Variants in ACOT1 observed in about 807,000 individuals in gnomAD.
ACOT1 encodes the protein acyl-coenzyme A thioesterase 1.
Under a neutral mutation model 15.7 loss-of-function variants are expected in ACOT1, and 8 were observed. The ratio of observed to expected loss-of-function variants is 0.51; its 90% confidence interval spans 0.30 to 0.92. The LOEUF is 0.92. ACOT1 is among the 40% of genes least tolerant of loss of function. ACOT1 has a pLI of 0.06. For missense variants in ACOT1, 151 were observed against 539.4 expected (o/e 0.28, Z 7.13); for synonymous variants, 67 against 241.2 (o/e 0.28, Z 6.69).
At chr14:73,512,721 C>A in the ACOT1 span, among the ~76,000 whole-genome samples, 1 of 152,178 alleles carries the variant, frequency 6.6e-6, no homozygotes, top group Non-Finnish European at 1.5e-5. Context: ...TTCCATTTGG[C>A]TTTCAACATC....
At chr14:73,527,548 G>A in the ACOT1 span, among the ~76,000 whole-genome samples, 7 of 80,350 alleles carry the variant, frequency 8.7e-5, no homozygotes, top group Admixed American at 8.5e-4. Context: ...CTTTCACTTC[G>A]CAAAAGAAAA....
chr14:73,512,269 A>C, the ACOT1 span: 7 of 1,083,424 alleles, frequency 6.5e-6, no homozygotes, highest in Middle Eastern at 2.9e-4. Flanking sequence ...ACATTAGCTC[A>C]GAAGAATAAA....
the ACOT1 span, chr14:73,502,775 C>T: frequency 1.4e-6 from 1 of 736,446 alleles, no homozygotes; most frequent in East Asian, 2.5e-5. Context: ...TCTCGATCTC[C>T]TGACCTCGTG....
At chr14:73,522,278 T>G in the ACOT1 span, 9 of 1,613,608 alleles carry the variant, frequency 5.6e-6, no homozygotes, top group Non-Finnish European at 7.6e-6. Context: ...ATACCTGTAG[T>G]AAACGGGAAG....
the ACOT1 span, among the ~76,000 whole-genome samples, chr14:73,523,835 C>G: frequency 5.3e-5 from 8 of 152,186 alleles, no homozygotes. Flanking sequence ...TAAATTCCTC[C>G]TGGTCTGTAC....
At chr14:73,491,846 C>G in the ACOT1 span, 1 of 1,609,482 alleles carries the variant, frequency 6.2e-7, no homozygotes, top group Middle Eastern at 1.7e-4. Flanking sequence ...GACCCTGAAC[C>G]CACCCGGCCG....
chr14:73,538,544 C>T lies in ACOT1; in HGVS notation c.457+666C>T, dbSNP rs1257609856. Among the ~76,000 whole-genome samples, 4 of 95,370 alleles carry T rather than the reference C, an allele frequency of 4.2e-5. 2 individuals are homozygous for T. Among genetic ancestry groups the T allele is most frequent in the Non-Finnish European group, 8.4e-5 (4 of 47,844 alleles). The allele number at this position is 95,370 out of a possible 152,430, so 62.6% of individuals were successfully genotyped here. A position where few individuals can be genotyped will look rare whatever the true frequency, so the allele number is the denominator to read the frequency against. ...AGAAGAATGGCATGAACCCAGGAGG[C>T]GGAGTTTGCAGTGAGCCAAGATCGT... On this transcript the variant is annotated intron_variant, in intron 1 of 2. Transcript: ENST00000311148.
rs1400623175 is a variant in ACOT1 at position 73,538,696 on chromosome 14, G to C, written c.457+818G>C. Among the ~76,000 whole-genome samples, 6 of 111,202 alleles carry C rather than the reference G, an allele frequency of 5.4e-5. 1 individual carries two copies. The highest frequency in any genetic ancestry group is 1.8e-4 in the African/African-American group (6 of 34,116). The allele number at this position is 111,202 out of a possible 152,430, so 73.0% of individuals were successfully genotyped here. A position where few individuals can be genotyped will look rare whatever the true frequency, so the allele number is the denominator to read the frequency against. On this transcript the variant is annotated intron_variant, in intron 1 of 2. Coordinates refer to ENST00000311148, the MANE Select transcript of ACOT1 (RefSeq NM_001037161.2). ...CAAACAAAACAAAACAAAAAAAACA[G>C]GCCGGACGCGGTGGCTAACACCTGT...
At chr14:73,528,563 G>A in the ACOT1 span, among the ~76,000 whole-genome samples, 3 of 152,044 alleles carry the variant, frequency 2.0e-5, no homozygotes, top group Non-Finnish European at 4.4e-5. Context: ...TGTCTGCCTT[G>A]GAGTCACGGG....
the ACOT1 span, among the ~76,000 whole-genome samples, chr14:73,512,543 T>C: frequency 6.6e-6 from 1 of 152,290 alleles, no homozygotes; most frequent in South Asian, 2.1e-4. Flanking sequence ...AGCCTGAGAT[T>C]TCTTATTTGT....
At chr14:73,503,951 C>A in the ACOT1 span, among the ~76,000 whole-genome samples, 1 of 152,092 alleles carries the variant, frequency 6.6e-6, no homozygotes, top group Non-Finnish European at 1.5e-5. Context: ...TTTTTACTTT[C>A]AGTTGTCAAT....
chr14:73,494,749 A>AG, the ACOT1 span, among the ~76,000 whole-genome samples: 1 of 151,922 alleles, frequency 6.6e-6, no homozygotes. Context: ...GTAGAGATGG[A>AG]GGGGTCTTGC....
chr14:73,509,866 A>ATATATATT, the ACOT1 span, among the ~76,000 whole-genome samples: 4 of 67,504 alleles, frequency 5.9e-5, no homozygotes, highest in African/African-American at 6.3e-5. Flanking sequence ...ATATATATAT[A>ATATATATT]TATTTATTTA....
At chr14:73,496,567 T>A in the ACOT1 span, 2 of 1,401,182 alleles carry the variant, frequency 1.4e-6, no homozygotes, top group African/African-American at 2.8e-5. Context: ...GAGTCCTGAA[T>A]TTTCTCTTGA....
the ACOT1 span, among the ~76,000 whole-genome samples, chr14:73,528,511 A>G: frequency 1.3e-5 from 2 of 152,092 alleles, no homozygotes; most frequent in African/African-American, 4.8e-5. Flanking sequence ...AGAACAAAAT[A>G]TTACTAGGTC....
rs533454402 is a variant in ACOT1, at chr14:73,538,293, G to T, written c.457+415G>T. On this transcript the variant is annotated intron_variant, in intron 1 of 2. Coordinates refer to ENST00000311148, the MANE Select transcript of ACOT1 (RefSeq NM_001037161.2). Reference sequence around the variant, plus strand: ...GCCCCTGCCGCTCCAAAACTGAGAGGTCCCTCAAACCTAGTGCTCAGTTAA... The same window carrying T: ...GCCCCTGCCGCTCCAAAACTGAGAGTTCCCTCAAACCTAGTGCTCAGTTAA... Among the ~76,000 whole-genome samples, 3 of 114,766 alleles carry T rather than the reference G, an allele frequency of 2.6e-5. No individual in the cohort carries two copies. In the South Asian group the frequency reaches 8.3e-4, roughly 32 times the overall value. 75.3% of individuals were successfully genotyped at this position (114,766 alleles called of 152,430 possible). A position where few individuals can be genotyped will look rare whatever the true frequency, so the allele number is the denominator to read the frequency against.
the ACOT1 span, chr14:73,522,396 C>G: frequency 2.7e-5 from 44 of 1,614,132 alleles, no homozygotes; most frequent in South Asian, 4.5e-4. Flanking sequence ...AGGTCACTGG[C>G]AGAGGTAAGC....
At chr14:73,504,416 T>G in the ACOT1 span, among the ~76,000 whole-genome samples, 11 of 151,990 alleles carry the variant, frequency 7.2e-5, no homozygotes, top group South Asian at 4.1e-4. Flanking sequence ...CTAATTTTTT[T>G]TATTTTTAGT....
chr14:73,509,346 A>G, the ACOT1 span: 2 of 1,614,144 alleles, frequency 1.2e-6, no homozygotes, highest in East Asian at 2.2e-5. Flanking sequence ...TGTTCCGGGC[A>G]AGGGGATTAT....
Sources: allele counts gnomAD v4.1 joint callset (sites outside exome capture counted in the v4.1 genomes callset), GRCh38; gene constraint gnomAD v4.1.1; transcripts MANE v1.5; gene names NCBI Gene and HGNC (gene_info 2026-07-23, HGNC 2026-07-21).